Variants in SMC6 observed in about 807,000 individuals in gnomAD.
The protein encoded by SMC6 is structural maintenance of chromosomes 6, also known as structural maintenance of chromosomes protein 6.
In SMC6, 79 loss-of-function variants were observed where a neutral mutation model predicts 142.2. That is an observed-to-expected ratio of 0.56 (90% CI 0.46 to 0.67). The LOEUF (loss-of-function observed/expected upper bound fraction) is 0.67, where lower values mean the gene tolerates loss of function less well. Ranked by LOEUF, SMC6 falls within the 30% of genes least tolerant of loss-of-function variation. The probability of loss-of-function intolerance (pLI) is 0.00; values close to 1 mark genes in which losing one functional copy is unlikely to be tolerated. For synonymous variants in SMC6, 411 were observed against 412.4 expected, an observed-to-expected ratio of 1.00 and a Z score of 0.04; for missense variants, 1,072 against 1,284.0, an observed-to-expected ratio of 0.83 and a Z score of 2.52.
At chr2:17,704,872 T>G (rs1007462639) in intron 18 of SMC6, among the ~76,000 whole-genome samples, 1 of 151,930 alleles carries the variant, frequency 6.6e-6, no homozygotes, top group Non-Finnish European at 1.5e-5. Flanking sequence ...GTGCAAAAAT[T>G]TAATATGGGT....
intron 16 of SMC6, 54 bp downstream of exon 16, chr2:17,714,807 A>G (rs1668998618): frequency 6.5e-7 from 1 of 1,546,672 alleles, no homozygotes; most frequent in African/African-American, 1.4e-5. Flanking sequence ...ACTCTTTCCA[A>G]TCTTGCATAT....
chr2:17,690,499 C>T (rs1366875944), intron 23 of SMC6, among the ~76,000 whole-genome samples: 1 of 151,990 alleles, frequency 6.6e-6, no homozygotes, highest in Non-Finnish European at 1.5e-5. Flanking sequence ...GAGACTGAGG[C>T]AGGATAATTG....
At chr2:17,690,907 T>C (rs1224512819) in intron 23 of SMC6, among the ~76,000 whole-genome samples, 3 of 151,748 alleles carry the variant, frequency 2.0e-5, no homozygotes, top group Admixed American at 1.3e-4. Context: ...GAATGCAAAA[T>C]TGGTACAATC....
At chr2:17,720,539 T>C (rs1216892705) in intron 11 of SMC6, among the ~76,000 whole-genome samples, 1 of 152,224 alleles carries the variant, frequency 6.6e-6, no homozygotes, top group Non-Finnish European at 1.5e-5. Flanking sequence ...TGAGTTCTCA[T>C]ACTTTCTGAT....
intron 16 of SMC6, among the ~76,000 whole-genome samples, chr2:17,711,696 G>A (rs966559070): frequency 6.6e-5 from 10 of 152,150 alleles, no homozygotes; most frequent in African/African-American, 2.4e-4. Flanking sequence ...ACAGCCCACT[G>A]CAGCCTTGAC....
chr2:17,752,566 ATAT>A (rs1558388355), intron 2 of SMC6, among the ~76,000 whole-genome samples: 1 of 152,236 alleles, frequency 6.6e-6, no homozygotes, highest in Non-Finnish European at 1.5e-5. Context: ...CTTTTAGGCA[ATAT>A]ACTAGTGGCC....
chr2:17,703,385 G>A, intron 18 of SMC6, 93 bp from the exon 19 acceptor site: 1 of 1,159,986 alleles, frequency 8.6e-7, no homozygotes, highest in Non-Finnish European at 1.2e-6. Flanking sequence ...CTTATTTATA[G>A]TAAGTTATGT....
chr2:17,699,454 G>A (rs1191233494), intron 21 of SMC6, among the ~76,000 whole-genome samples: 2 of 151,980 alleles, frequency 1.3e-5, no homozygotes, highest in African/African-American at 2.4e-5. Flanking sequence ...TTTGGTTTAC[G>A]TACATTCTTT....
intron 25 of SMC6, among the ~76,000 whole-genome samples, chr2:17,675,764 GCTACTTA>G (rs1666971011): frequency 6.6e-6 from 1 of 151,874 alleles, no homozygotes; most frequent in African/African-American, 2.4e-5. Flanking sequence ...TTTTTCTCTT[GCTACTTA>G]CAAAAAGGTA....
chr2:17,738,641 C>T (rs1281769622), intron 4 of SMC6, among the ~76,000 whole-genome samples: 1 of 152,190 alleles, frequency 6.6e-6, no homozygotes, highest in Non-Finnish European at 1.5e-5. Flanking sequence ...GGCCTATCAA[C>T]CTAATAAATG....
intron 4 of SMC6, among the ~76,000 whole-genome samples, chr2:17,738,754 G>A (rs1181579691): frequency 6.6e-6 from 1 of 152,146 alleles, no homozygotes; most frequent in African/African-American, 2.4e-5. Context: ...CTGGGCTCAA[G>A]CTATCCTCCT....
At chr2:17,708,879 A>ATT (rs2124968648) in intron 16 of SMC6, 126 bp from the exon 17 acceptor site, 2 of 299,998 alleles carry the variant, frequency 6.7e-6, no homozygotes, top group East Asian at 1.0e-4. Context: ...GGGGGAAATT[A>ATT]TAAATAACAA....
chr2:17,695,843 G>A (rs904405857), intron 22 of SMC6, among the ~76,000 whole-genome samples: 5 of 152,144 alleles, frequency 3.3e-5, no homozygotes, highest in Non-Finnish European at 7.4e-5. Context: ...ATCTGTTCTG[G>A]TTAGGACAAG....
intron 8 of SMC6, among the ~76,000 whole-genome samples, chr2:17,726,029 A>G (rs563588709): frequency 8.6e-5 from 12 of 138,928 alleles, no homozygotes; most frequent in African/African-American, 2.4e-4. Flanking sequence ...TGGAGGCTGC[A>G]GTGAGCCGAG....
intron 26 of SMC6, among the ~76,000 whole-genome samples, chr2:17,668,392 C>T (rs886880604): frequency 6.6e-6 from 1 of 152,104 alleles, no homozygotes; most frequent in Non-Finnish European, 1.5e-5. Context: ...TTCACGAATA[C>T]ACACTTACTA....
intron 21 of SMC6, 47 bp downstream of exon 21, chr2:17,700,161 A>G: frequency 7.3e-7 from 1 of 1,370,500 alleles, no homozygotes; most frequent in Non-Finnish European, 9.9e-7. Flanking sequence ...GTGGATATAA[A>G]ACTAAAACAT....
rs1670131266 is a variant in SMC6, at chr2:17,735,948, T to C, written c.344+2273A>G. Among the ~76,000 whole-genome samples the C allele has an allele frequency of 2.0e-5, 3 of 152,276 alleles. No homozygotes were observed. In the South Asian group the frequency reaches 6.2e-4, roughly 32 times the overall value. Reference sequence around the variant, plus strand: ...GAGGGATAGAGTCCTTAGAACTACCTCAAACTTGTGCTGGACCACACTGAC... The same window carrying C: ...GAGGGATAGAGTCCTTAGAACTACCCCAAACTTGTGCTGGACCACACTGAC... On this transcript the variant is annotated intron_variant, in intron 5 of 27. Transcript: ENST00000448223.
chr2:17,752,191 C>T (rs566208357), intron 2 of SMC6, among the ~76,000 whole-genome samples: 2 of 152,272 alleles, frequency 1.3e-5, no homozygotes, highest in South Asian at 4.1e-4. Flanking sequence ...CACTCAGATA[C>T]CAAAATCCAC....
chr2:17,663,820 A>C lies in SMC6; in HGVS notation c.*1679T>G, dbSNP rs932170697. ...CAAAAGCATGACCTTAATACATATAAATTTTAAGTTTTATTTTTAGAAGTT... is the reference window on the plus strand; with the variant it reads ...CAAAAGCATGACCTTAATACATATACATTTTAAGTTTTATTTTTAGAAGTT... On this transcript the variant is annotated 3_prime_UTR_variant, in exon 28 of 28. Transcript: ENST00000448223. 1 of 152,238 alleles carries C rather than the reference A, an allele frequency of 6.6e-6. No individual in the cohort carries two copies. Among genetic ancestry groups the C allele is most frequent in the Admixed American group, 6.5e-5 (1 of 15,288 alleles). The allele number at this position is 152,238 out of a possible 1,614,324, so 9.4% of individuals were successfully genotyped here.
Sources: allele counts gnomAD v4.1 joint callset (sites outside exome capture counted in the v4.1 genomes callset), GRCh38; gene constraint gnomAD v4.1.1; transcripts MANE v1.5; gene names NCBI Gene and HGNC (gene_info 2026-07-23, HGNC 2026-07-21).